The following REC114 variants were observed in gnomAD, a reference collection of about 807,000 sequenced individuals.
The protein encoded by REC114 is meiotic recombination protein REC114.
Under a neutral mutation model 31.3 loss-of-function variants are expected in REC114, and 27 were observed. The ratio of observed to expected loss-of-function variants is 0.86; its 90% confidence interval spans 0.64 to 1.19. REC114 has a LOEUF of 1.19. REC114 is among the 50% of genes most tolerant of loss of function. REC114 has a pLI of 0.00. For missense variants in REC114, 344 were observed against 326.9 expected, an observed-to-expected ratio of 1.05 and a Z score of -0.40; for synonymous variants, 134 against 127.7, an observed-to-expected ratio of 1.05 and a Z score of -0.33.
intron 2 of REC114, among the ~76,000 whole-genome samples, chr15:73,511,916 T>C (rs1893776807): frequency 7.0e-6 from 1 of 142,038 alleles, no homozygotes; most frequent in Non-Finnish European, 1.5e-5. Flanking sequence ...AAAATGTATA[T>C]TCTGTTGATT....
chr15:73,445,969 T>G (rs1892759137), intron 1 of REC114, among the ~76,000 whole-genome samples: 1 of 152,214 alleles, frequency 6.6e-6, no homozygotes, highest in Non-Finnish European at 1.5e-5. Flanking sequence ...GATGTGGGGT[T>G]GCCACAAACC....
At chr15:73,540,874 G>A (rs1177558479) in intron 3 of REC114, among the ~76,000 whole-genome samples, 3 of 151,984 alleles carry the variant, frequency 2.0e-5, no homozygotes, top group Admixed American at 6.6e-5. Flanking sequence ...CTTGCGATTT[G>A]GATGTTTAAA....
At chr15:73,531,209 T>C (rs542141835) in intron 2 of REC114, among the ~76,000 whole-genome samples, 1 of 152,170 alleles carries the variant, frequency 6.6e-6, no homozygotes, top group Non-Finnish European at 1.5e-5. Flanking sequence ...GAGGTACTAA[T>C]GGAACTAGCT....
intron 2 of REC114, among the ~76,000 whole-genome samples, chr15:73,513,831 A>C (rs1170669051): frequency 6.6e-6 from 1 of 151,620 alleles, no homozygotes; most frequent in Non-Finnish European, 1.5e-5. Flanking sequence ...TGCTGGGAGA[A>C]CCACTGCTCT....
chr15:73,557,977 A>G (rs1894495517), intron 5 of REC114, among the ~76,000 whole-genome samples: 1 of 152,224 alleles, frequency 6.6e-6, no homozygotes. Flanking sequence ...ATTGGAAACA[A>G]CATAAATGTT....
At chr15:73,493,737 A>T (rs1893477454) in intron 2 of REC114, among the ~76,000 whole-genome samples, 1 of 152,168 alleles carries the variant, frequency 6.6e-6, no homozygotes. Context: ...AGTTATCTCT[A>T]ATTTCTTCTG....
chr15:73,516,232 C>T (rs1392857566), intron 2 of REC114, among the ~76,000 whole-genome samples: 1 of 151,934 alleles, frequency 6.6e-6, no homozygotes, highest in African/African-American at 2.4e-5. Flanking sequence ...GTGATCTGCC[C>T]GCCTCGGCCT....
Position 73,496,937 on chromosome 15 carries a change from T to C in REC114, c.249+23016T>C, listed in dbSNP as rs1441692319. 1.3e-5 allele frequency among the ~76,000 whole-genome samples: 2 copies of C among 152,208 alleles called. 1 individual carries two copies. Among genetic ancestry groups the C allele is most frequent in the South Asian group, 4.2e-4 (2 of 4,818 alleles). On this transcript the variant is annotated intron_variant, in intron 2 of 5. Coordinates refer to ENST00000331090, the MANE Select transcript of REC114 (RefSeq NM_001042367.2). Reference sequence around the variant, plus strand: ...TAGCTCCTCAGTCTTTATTTTTTTTTTTTTTTAATAACTTTGACACTTTTG... The same window carrying C: ...TAGCTCCTCAGTCTTTATTTTTTTTCTTTTTTAATAACTTTGACACTTTTG...
At chr15:73,480,713 T>G (rs1244665113) in intron 2 of REC114, among the ~76,000 whole-genome samples, 1 of 152,232 alleles carries the variant, frequency 6.6e-6, no homozygotes, top group African/African-American at 2.4e-5. Context: ...AGTCTCACTC[T>G]TTCGCCCAGG....
chr15:73,472,664 T>C (rs1026090283), intron 1 of REC114, among the ~76,000 whole-genome samples: 4 of 152,288 alleles, frequency 2.6e-5, no homozygotes, highest in African/African-American at 7.2e-5. Context: ...GCCACCTATA[T>C]AGTATAGTCA....
At chr15:73,469,052 G>T (rs1893099414) in intron 1 of REC114, among the ~76,000 whole-genome samples, 1 of 152,124 alleles carries the variant, frequency 6.6e-6, no homozygotes, top group South Asian at 2.1e-4. Flanking sequence ...AATGCTCTGT[G>T]TATACTTGAG....
intron 2 of REC114, among the ~76,000 whole-genome samples, chr15:73,494,641 C>T (rs967936223): frequency 7.9e-5 from 12 of 152,056 alleles, no homozygotes; most frequent in Non-Finnish European, 1.5e-4. Context: ...CTTTCTGTGA[C>T]GTTTGGTTGT....
intron 2 of REC114, among the ~76,000 whole-genome samples, chr15:73,507,751 T>C (rs1284279765): frequency 1.3e-5 from 2 of 152,170 alleles, no homozygotes; most frequent in African/African-American, 4.8e-5. Flanking sequence ...TGACAAATTT[T>C]TGTTTTAACA....
At chr15:73,535,871 G>A (rs1242608134) in intron 2 of REC114, among the ~76,000 whole-genome samples, 4 of 151,634 alleles carry the variant, frequency 2.6e-5, no homozygotes, top group Non-Finnish European at 5.9e-5. Flanking sequence ...AGATAACACC[G>A]CATATCTACA....
intron 1 of REC114, among the ~76,000 whole-genome samples, chr15:73,447,167 C>G (rs115634588): frequency 6.6e-6 from 1 of 152,020 alleles, no homozygotes; most frequent in Non-Finnish European, 1.5e-5. Flanking sequence ...GGGAAAAATC[C>G]AAGATGTCAG....
chr15:73,461,121 G>T (rs1007458765), intron 1 of REC114, among the ~76,000 whole-genome samples: 1 of 151,876 alleles, frequency 6.6e-6, no homozygotes, highest in Non-Finnish European at 1.5e-5. Flanking sequence ...TGGTGGGGAA[G>T]GTCTGCGTGT....
chr15:73,479,060 A>G (rs1009996377), intron 2 of REC114, among the ~76,000 whole-genome samples: 4 of 152,036 alleles, frequency 2.6e-5, no homozygotes, highest in African/African-American at 9.7e-5. Flanking sequence ...CCCGCTTCCC[A>G]CAGATTATGC....
At chr15:73,520,149 C>G (rs538407594) in intron 2 of REC114, among the ~76,000 whole-genome samples, 1 of 152,020 alleles carries the variant, frequency 6.6e-6, no homozygotes, top group Admixed American at 6.6e-5. Context: ...TAAAAAAATT[C>G]ATGACACATT....
chr15:73,500,164 C>T (rs1328097491), intron 2 of REC114, among the ~76,000 whole-genome samples: 1 of 152,086 alleles, frequency 6.6e-6, no homozygotes, highest in Non-Finnish European at 1.5e-5. Context: ...TATAATTCCT[C>T]ATTTACCTGT....
Sources: allele counts gnomAD v4.1 joint callset (sites outside exome capture counted in the v4.1 genomes callset), GRCh38; gene constraint gnomAD v4.1.1; transcripts MANE v1.5; gene names NCBI Gene and HGNC (gene_info 2026-07-23, HGNC 2026-07-21).